ESCO2: variants seen among roughly 807,000 people sequenced by gnomAD.
The protein encoded by ESCO2 is establishment of sister chromatid cohesion N-acetyltransferase 2, also known as N-acetyltransferase ESCO2.
ESCO2 carries 51 observed loss-of-function variants against 61.7 expected under a neutral mutation model. The observed-to-expected ratio is 0.83, with a 90% CI of 0.66 to 1.04. ESCO2 has a LOEUF of 1.04. ESCO2 is among the 50% of genes least tolerant of loss of function. ESCO2 has a pLI of 0.00. For missense variants in ESCO2, 692 were observed against 686.2 expected, an observed-to-expected ratio of 1.01 and a Z score of -0.09; for synonymous variants, 230 against 238.2, an observed-to-expected ratio of 0.97 and a Z score of 0.32.
At chr8:27,814,530 T>C (rs879314369), downstream of ESCO2, among the ~76,000 whole-genome samples, 1 of 152,146 alleles carries the variant, frequency 6.6e-6, no homozygotes, top group Non-Finnish European at 1.5e-5. Context: ...TGATTTCTGC[T>C]CATAGCTTTA....
chr8:27,813,623 A>AT (rs999611258), downstream of ESCO2, among the ~76,000 whole-genome samples: 2 of 152,226 alleles, frequency 1.3e-5, no homozygotes, highest in Non-Finnish European at 2.9e-5. Flanking sequence ...TATAGTTACC[A>AT]TTTTTTTGTG....
At chr8:27,813,769 G>C (rs1805752105), downstream of ESCO2, among the ~76,000 whole-genome samples, 1 of 152,154 alleles carries the variant, frequency 6.6e-6, no homozygotes, top group South Asian at 2.1e-4. Context: ...ATTGATTCTT[G>C]AATGTTACAA....
In ESCO2 at chr8:27,804,961, A is replaced by G; in HGVS notation, c.*1523A>G. 1 of 322,488 alleles carries G rather than the reference A, an allele frequency of 3.1e-6. No individual in the cohort carries two copies. Among genetic ancestry groups the G allele is most frequent in the Non-Finnish European group, 4.5e-6 (1 of 224,488 alleles). 20.0% of individuals were successfully genotyped at this position (322,488 alleles called of 1,614,324 possible). On this transcript the variant is annotated 3_prime_UTR_variant, in exon 11 of 11. Transcript: ENST00000305188. ...ATAGTATATGTTAAATAAAATTCAGATAATACAGAAATAGAGATTGCCAAA... is the reference window on the plus strand; with the variant it reads ...ATAGTATATGTTAAATAAAATTCAGGTAATACAGAAATAGAGATTGCCAAA...
At chr8:27,795,081 A>T (rs1222929457) in intron 9 of ESCO2, among the ~76,000 whole-genome samples, 1 of 152,122 alleles carries the variant, frequency 6.6e-6, no homozygotes, top group East Asian at 1.9e-4. Flanking sequence ...TTTGATAGGG[A>T]TTGCATTGCA....
chr8:27,779,873 G>A lies in ESCO2; in HGVS notation c.862-301G>A, dbSNP rs183955265. 8.5e-4 allele frequency: 257 copies of A among 301,086 alleles called. 3 individuals are homozygous for A. In the East Asian group the frequency reaches 0.015, roughly 18 times the overall value. 18.7% of individuals were successfully genotyped at this position (301,086 alleles called of 1,614,324 possible). ...GTAGAGATAGGGTTTCACCATGTTA[G>A]CCAGGATGGTCTCAATCCCTTGACC... On this transcript the variant is annotated intron_variant, in intron 3 of 10. Coordinates refer to ENST00000305188, the MANE Select transcript of ESCO2 (RefSeq NM_001017420.3).
At position 27,789,210 on chromosome 8, in the gene ESCO2, G is replaced by A. The variant is rs148517121; in HGVS notation, c.1263+232G>A. 0.013 allele frequency among the ~76,000 whole-genome samples: 1,995 copies of A among 152,206 alleles called. 45 individuals are homozygous for A. The highest frequency in any genetic ancestry group is 0.045 in the African/African-American group (1,874 of 41,530). Reference sequence around the variant, plus strand: ...AGAGATACTCTCTTCCCACTATAGTGTTGTCTTTATAGGTAGCCTTAGGAA... The same window carrying A: ...AGAGATACTCTCTTCCCACTATAGTATTGTCTTTATAGGTAGCCTTAGGAA... On this transcript the variant is annotated intron_variant, in intron 7 of 10. Coordinates refer to ENST00000305188, the MANE Select transcript of ESCO2 (RefSeq NM_001017420.3).
chr8:27,775,305 G>T (rs1408356052), intron 1 of ESCO2, among the ~76,000 whole-genome samples, 194 bp from the exon 2 acceptor site: 2 of 152,148 alleles, frequency 1.3e-5, no homozygotes, highest in Non-Finnish European at 2.9e-5. Flanking sequence ...GGACTATTAG[G>T]GAAATACAGG....
At chr8:27,785,765 C>G (rs1805027251) in intron 5 of ESCO2, among the ~76,000 whole-genome samples, 1 of 151,630 alleles carries the variant, frequency 6.6e-6, no homozygotes, top group African/African-American at 2.4e-5. Flanking sequence ...TTTTTGTAGA[C>G]TCCAAAACGT....
At chr8:27,810,275 A>T (rs1344741352), downstream of ESCO2, 3 of 1,468,644 alleles carry the variant, frequency 2.0e-6, no homozygotes, top group Non-Finnish European at 2.8e-6. Context: ...ACAGTTATTT[A>T]CGCAAGCCAC....
In ESCO2 at chr8:27,787,954, T is replaced by C. The variant is rs2128954832; in HGVS notation, c.1083T>C (p.Asn361=). 6 of 1,613,714 alleles carry C rather than the reference T, an allele frequency of 3.7e-6. No homozygotes were observed. Among genetic ancestry groups the C allele is most frequent in the Non-Finnish European group, 5.1e-6 (6 of 1,179,856 alleles). The change falls in exon 6 of 11, where the codon AAT becomes AAC. Residue 361 remains asparagine (N), a synonymous_variant. Coordinates refer to ENST00000305188, the MANE Select transcript of ESCO2 (RefSeq NM_001017420.3). The stretch of plus-strand genomic sequence containing the variant: ...TGAAACAGACCAATATCCAGAAAAA[T>C]ACTAATACCAGAGATACAAGTAAAA... The part of the protein sequence containing the change: ...NFMKQTNIQK[N]TNTRDTSKKT...
rs371077886 is a variant in ESCO2 at position 27,776,558 on chromosome 8, G to C, written c.250G>C (p.Val84Leu). Residue 84 changes from valine to leucine, a missense_variant, in exon 3 of 11, where the codon GTA becomes CTA. Coordinates refer to ENST00000305188, the MANE Select transcript of ESCO2 (RefSeq NM_001017420.3). Reference sequence around the variant, plus strand: ...ACCATTTAAATCTGCGCTCTCCACTGTATCTTTTTACAACCAAAATAAGTG... The same window carrying C: ...ACCATTTAAATCTGCGCTCTCCACTCTATCTTTTTACAACCAAAATAAGTG... ...GSPFKSALST[V>L]SFYNQNKWYL... 1.7e-5 allele frequency: 27 copies of C among 1,613,984 alleles called. No individual in the cohort carries two copies. The highest frequency in any genetic ancestry group is 4.0e-5 in the African/African-American group (3 of 74,918).
downstream of ESCO2, among the ~76,000 whole-genome samples, chr8:27,805,591 A>T (rs544680230): frequency 2.0e-5 from 3 of 152,054 alleles, no homozygotes; most frequent in Non-Finnish European, 4.4e-5. Context: ...TGATACCCTA[A>T]TGGCAATGAG....
At chr8:27,793,646 C>T (rs1805230737) in intron 9 of ESCO2, among the ~76,000 whole-genome samples, 2 of 152,030 alleles carry the variant, frequency 1.3e-5, no homozygotes, top group Admixed American at 1.3e-4. Flanking sequence ...GCCACCATGC[C>T]TGGCTAATTT....
intron 7 of ESCO2, among the ~76,000 whole-genome samples, chr8:27,790,283 G>T (rs1320534052): frequency 1.3e-5 from 2 of 152,050 alleles, no homozygotes; most frequent in Non-Finnish European, 2.9e-5. Context: ...TATCATTCCT[G>T]GGTTACAAAT....
At chr8:27,808,286 T>A (rs1805603712), downstream of ESCO2, 1 of 1,037,656 alleles carries the variant, frequency 9.6e-7, no homozygotes, top group Non-Finnish European at 1.3e-6. Context: ...TATGGAGGCA[T>A]AACAAGCTCC....
downstream of ESCO2, among the ~76,000 whole-genome samples, chr8:27,814,031 C>T (rs1484718346): frequency 6.6e-6 from 1 of 152,074 alleles, no homozygotes; most frequent in Non-Finnish European, 1.5e-5. Flanking sequence ...GGATGTCCTA[C>T]AATGTGTCAG....
chr8:27,802,421 C>A (rs1438977733), intron 10 of ESCO2, among the ~76,000 whole-genome samples: 1 of 149,534 alleles, frequency 6.7e-6, no homozygotes, highest in East Asian at 2.0e-4. Flanking sequence ...CATGGAGAAA[C>A]CCTGTCTCTA....
At chr8:27,792,098 G>T (rs754600648) in intron 8 of ESCO2, 46 bp downstream of exon 8, 1 of 1,591,282 alleles carries the variant, frequency 6.3e-7, no homozygotes, top group Non-Finnish European at 8.6e-7. Flanking sequence ...CCACCCCCAA[G>T]AAATCAACCT....
At chr8:27,791,602 CT>C (rs1805176342) in intron 7 of ESCO2, among the ~76,000 whole-genome samples, 1 of 152,112 alleles carries the variant, frequency 6.6e-6, no homozygotes, top group East Asian at 1.9e-4. Context: ...TGGAATTTGG[CT>C]TATTCTTCTA....
Sources: gnomAD v4.1 joint callset for allele counts (sites outside exome capture counted in the v4.1 genomes callset) on GRCh38, gnomAD v4.1.1 for gene constraint, MANE v1.5 for transcripts, NCBI Gene and HGNC (gene_info 2026-07-23, HGNC 2026-07-21) for gene names.